The following ZFYVE26 variants were observed in gnomAD, a reference collection of about 807,000 sequenced individuals.
The protein encoded by ZFYVE26 is zinc finger FYVE-type containing 26, also known as zinc finger FYVE domain-containing protein 26.
Under a neutral mutation model 276.5 loss-of-function variants are expected in ZFYVE26, and 181 were observed. The observed-to-expected ratio is 0.65, with a 90% CI of 0.58 to 0.74. The LOEUF (loss-of-function observed/expected upper bound fraction) is 0.74, where lower values mean the gene tolerates loss of function less well. Among genes scored for constraint, ZFYVE26 ranks in the 30% least tolerant of loss-of-function variants. The pLI, the probability that ZFYVE26 is intolerant of heterozygous loss-of-function variation, is 0.00. For missense variants in ZFYVE26, 2,821 were observed against 3,097.9 expected, an observed-to-expected ratio of 0.91 and a Z score of 2.12; for synonymous variants, 1,129 against 1,203.1, an observed-to-expected ratio of 0.94 and a Z score of 1.27.
chr14:67,815,152 T>A lies in ZFYVE26; in HGVS notation c.194+618A>T, dbSNP rs531085752. On this transcript the variant is annotated intron_variant, in intron 2 of 41. Transcript: ENST00000347230. ...CCTTATTACAGTGGGATTACATGAA[T>A]CTATATATGGATAAAACTGCATAAA... 1.6e-4 allele frequency among the ~76,000 whole-genome samples: 25 copies of A among 152,310 alleles called. 1 individual carries two copies. The South Asian group carries it at 5.2e-3, about 32-fold the overall frequency.
rs1279863038 is a variant in ZFYVE26, at chr14:67,798,147, A to AG, written c.2114dup (p.Glu706Ter). The AG allele has an allele frequency of 1.9e-6, 3 of 1,614,002 alleles. No individual in the cohort carries two copies. The highest frequency in any genetic ancestry group is 2.5e-6 in the Non-Finnish European group (3 of 1,179,956). ...TCTGACTTTCTTGCTTTGGCTTCTC[A>AG]GGAGGGCTGCGGCTACTGATCTCAT... is the stretch of plus-strand genomic sequence containing the variant. On this transcript the variant is annotated frameshift_variant, in exon 11 of 42. Transcript: ENST00000347230. LOFTEE classifies it high-confidence loss of function.
rs1487124240 is a variant in ZFYVE26 at position 67,729,213 on chromosome 14, A to G, written n.3286T>C. 9.9e-6 allele frequency: 16 copies of G among 1,612,442 alleles called. No homozygotes were observed. The highest frequency in any genetic ancestry group is 1.4e-5 in the Non-Finnish European group (16 of 1,180,000). On this transcript the variant is annotated splice_region_variant and non_coding_transcript_exon_variant, in exon 14 of 15. Coordinates refer to the ZFYVE26 transcript ENST00000394455. ...CAGGCACCGGGGTCACCACCTACGC[A>G]GTGCACCCAGGCGTCGTCCGCTCTG...
Position 67,785,127 on chromosome 14 carries a change from A to G in ZFYVE26, c.3455T>C (p.Leu1152Ser). The change falls in exon 19 of 42, where the codon TTG becomes TCG. Residue 1152 changes from leucine (L) to serine (S), a missense_variant. By Grantham distance (145) the Leu-to-Ser change is moderately radical. Transcript: ENST00000347230. ...GCTGCAGTAACTGAAGAAGGTGCCC[A>G]AGTAGTCCATCTGCCTGCTGCCTGA... ...TPSGSRQMDY[L>S]GTFFSYCSTL... 6.2e-7 allele frequency: 1 copy of G among 1,614,210 alleles called. No homozygotes were observed. Among genetic ancestry groups the G allele is most frequent in the Non-Finnish European group, 8.5e-7 (1 of 1,180,046 alleles).
At chr14:67,797,870 C>G (rs2039989676) in intron 11 of ZFYVE26, 115 bp from the exon 12 acceptor site, 2 of 1,564,074 alleles carry the variant, frequency 1.3e-6, no homozygotes, top group South Asian at 1.1e-5. Context: ...TGGAGCATAC[C>G]CCAGTGTTCT....
chr14:67,808,077 G>C (rs1033641954), intron 4 of ZFYVE26, among the ~76,000 whole-genome samples, 157 bp from the exon 5 acceptor site: 4 of 152,140 alleles, frequency 2.6e-5, no homozygotes, highest in African/African-American at 9.7e-5. Flanking sequence ...TTGTTCTAAG[G>C]CCCTTTACAC....
At chr14:67,778,396 A>C (rs2039407429) in intron 23 of ZFYVE26, 148 bp from the exon 24 acceptor site, 1 of 1,031,778 alleles carries the variant, frequency 9.7e-7, no homozygotes, top group African/African-American at 1.6e-5. Flanking sequence ...CTTACTGTTC[A>C]TATCACTTTC....
At chr14:67,761,963 G>A in intron 34 of ZFYVE26, 1 of 580,586 alleles carries the variant, frequency 1.7e-6, no homozygotes, top group Non-Finnish European at 3.0e-6. Context: ...TATGTCATAT[G>A]TCATTTTTAT....
In ZFYVE26 at chr14:67,809,415, T is replaced by G. The variant is rs879007833; in HGVS notation, c.274-126A>C. ...TCTCTAAGATGAAGCACTCTTTTTT[T>G]TTTTTTTTTTTTTTTTTTTTATTTT... On this transcript the variant is annotated intron_variant, in intron 3 of 41. Transcript: ENST00000347230. 7 of 577,164 alleles carry G rather than the reference T, an allele frequency of 1.2e-5. No homozygotes were observed. The Admixed American group carries it at 1.6e-4, about 13-fold the overall frequency. The allele number at this position is 577,164 out of a possible 1,614,324, so 35.8% of individuals were successfully genotyped here. A position where few individuals can be genotyped will look rare whatever the true frequency, so the allele number is the denominator to read the frequency against.
intron 37 of ZFYVE26, among the ~76,000 whole-genome samples, 181 bp downstream of exon 37, chr14:67,754,870 C>T (rs2038737746): frequency 6.6e-6 from 1 of 152,208 alleles, no homozygotes; most frequent in Non-Finnish European, 1.5e-5. Flanking sequence ...TCCACTCCCA[C>T]TCCCACTACC....
At chr14:67,761,798 T>C in intron 34 of ZFYVE26, 1 of 598,406 alleles carries the variant, frequency 1.7e-6, no homozygotes, top group Non-Finnish European at 2.9e-6. Flanking sequence ...TTTAACAATG[T>C]GGAAAAATGT....
chr14:67,775,761 T>G lies in ZFYVE26; in HGVS notation c.5221+99A>C, dbSNP rs1016073955. On this transcript the variant is annotated intron_variant, in intron 26 of 41. Coordinates refer to ENST00000347230, the MANE Select transcript of ZFYVE26 (RefSeq NM_015346.4). ...CTGAAGTGTATTCATTCACTCTAGATCAACCCAAAATATTAAAAGGGGAGC... is the reference window on the plus strand; with the variant it reads ...CTGAAGTGTATTCATTCACTCTAGAGCAACCCAAAATATTAAAAGGGGAGC... 6.3e-6 allele frequency: 10 copies of G among 1,583,808 alleles called. No individual in the cohort carries two copies. The African/African-American group carries it at 1.3e-4, about 21-fold the overall frequency.
chr14:67,797,740 C>A lies in ZFYVE26; in HGVS notation c.2264G>T (p.Arg755Leu). The change falls in exon 12 of 42, where the codon CGA becomes CTA. Residue 755 changes from arginine to leucine, a missense_variant. By Grantham distance (102) the Arg-to-Leu change is moderately radical. Transcript: ENST00000347230. ...GTGACGTGTGGCAGGCTGGTATCTT[C>A]GGGAAGGTTGCTCCTCTGAAAGAGC... ...SNHRSEEQPSRRYQPATRHPS... is the reference protein window; with the variant it reads ...SNHRSEEQPSLRYQPATRHPS... The A allele has an allele frequency of 6.2e-7, 1 of 1,614,046 alleles. No individual in the cohort carries two copies. The highest frequency in any genetic ancestry group is 1.1e-5 in the South Asian group (1 of 91,076).
At position 67,784,785 on chromosome 14, in the gene ZFYVE26, G is replaced by A. The variant is rs189476929; in HGVS notation, c.3523+274C>T. On this transcript the variant is annotated intron_variant, in intron 19 of 41. Coordinates refer to ENST00000347230, the MANE Select transcript of ZFYVE26 (RefSeq NM_015346.4). ...ATCAGAGACTTGATTCCTCTGCTGG[G>A]TGCTCAAATTCACAATGGACCACAG... Among the ~76,000 whole-genome samples, 452 of 149,948 alleles carry A rather than the reference G, an allele frequency of 3.0e-3. 12 individuals are homozygous for A. In the East Asian group the frequency reaches 0.074, roughly 25 times the overall value.
chr14:67,755,192 T>C lies in ZFYVE26; in HGVS notation c.6845A>G (p.Tyr2282Cys). Reference sequence around the variant, plus strand: ...TGAGAGCTTCTCTCCCAGTTCTGTATATGACTTTGCTTTGTGACTGAAGAA... The same window carrying C: ...TGAGAGCTTCTCTCCCAGTTCTGTACATGACTTTGCTTTGTGACTGAAGAA... The part of the protein sequence containing the change: ...IRFFSHKAKS[Y>C]TELGEKLSWL... The change falls in exon 37 of 42, where the codon TAT becomes TGT. Residue 2282 changes from tyrosine to cysteine, a missense_variant. Transcript: ENST00000347230. The C allele has an allele frequency of 6.2e-7, 1 of 1,614,220 alleles. No individual in the cohort carries two copies.
intron 35 of ZFYVE26, among the ~76,000 whole-genome samples, chr14:67,757,507 C>T (rs1032654063): frequency 6.6e-6 from 1 of 152,162 alleles, no homozygotes; most frequent in Non-Finnish European, 1.5e-5. Context: ...TCCCTGGGCA[C>T]CCAGTCTAAA....
intron 31 of ZFYVE26, among the ~76,000 whole-genome samples, 185 bp downstream of exon 31, chr14:67,767,519 C>T (rs1052376458): frequency 1.3e-5 from 2 of 152,046 alleles, no homozygotes; most frequent in African/African-American, 4.8e-5. Flanking sequence ...CTTTCCTGGT[C>T]TCCCCTTCTG....
chr14:67,768,753 G>A (rs532166983), intron 29 of ZFYVE26, among the ~76,000 whole-genome samples: 1 of 152,236 alleles, frequency 6.6e-6, no homozygotes, highest in Non-Finnish European at 1.5e-5. Flanking sequence ...ATTCCTCCAG[G>A]AGGGAGGGAG....
chr14:67,793,893 T>A, intron 13 of ZFYVE26, 134 bp from the exon 14 acceptor site: 1 of 1,288,254 alleles, frequency 7.8e-7, no homozygotes, highest in Non-Finnish European at 1.1e-6. Flanking sequence ...GGTCTTAATT[T>A]TTCCTCAAAT....
At chr14:67,801,932 T>G in intron 10 of ZFYVE26, 147 bp downstream of exon 10, 1 of 885,620 alleles carries the variant, frequency 1.1e-6, no homozygotes, top group Non-Finnish European at 1.9e-6. Context: ...ATTCAGAGGC[T>G]GACAGATGGA....
Sources: gnomAD v4.1 joint callset for allele counts (sites outside exome capture counted in the v4.1 genomes callset) on GRCh38, gnomAD v4.1.1 for gene constraint, MANE v1.5 for transcripts, NCBI Gene and HGNC (gene_info 2026-07-23, HGNC 2026-07-21) for gene names.